The following ERBB4 variants were observed in gnomAD, a reference collection of about 807,000 sequenced individuals.
ERBB4 encodes receptor tyrosine-protein kinase erbB-4.
Under a neutral mutation model 158.0 loss-of-function variants are expected in ERBB4, and 42 were observed. That is an observed-to-expected ratio of 0.27 (90% CI 0.21 to 0.34). The LOEUF is 0.34. Among genes scored for constraint, ERBB4 ranks in the 10% least tolerant of loss-of-function variants. ERBB4 has a pLI of 1.00. For missense variants in ERBB4, 1,333 were observed against 1,624.1 expected (o/e 0.82, Z 3.08); for synonymous variants, 583 against 558.7 (o/e 1.04, Z -0.61).
At chr2:211,818,272 A>G (rs1298644590) in intron 3 of ERBB4, among the ~76,000 whole-genome samples, 2 of 152,124 alleles carry the variant, frequency 1.3e-5, no homozygotes, top group Non-Finnish European at 2.9e-5. Flanking sequence ...GCTGGACAAA[A>G]CACTTCTAGA....
intron 2 of ERBB4, among the ~76,000 whole-genome samples, chr2:211,987,616 T>C (rs888206557): frequency 6.6e-6 from 1 of 152,062 alleles, no homozygotes; most frequent in Admixed American, 6.6e-5. Context: ...GAAGGCTGGT[T>C]TCCTAATTTT....
At chr2:212,320,169 G>C (rs2087493761) in intron 1 of ERBB4, among the ~76,000 whole-genome samples, 1 of 148,146 alleles carries the variant, frequency 6.8e-6, no homozygotes, top group Non-Finnish European at 1.5e-5. Flanking sequence ...GTTCTGACTG[G>C]GTAAATCTAC....
At chr2:212,050,027 G>T (rs531686789) in intron 2 of ERBB4, among the ~76,000 whole-genome samples, 72 of 152,086 alleles carry the variant, frequency 4.7e-4, no homozygotes, top group African/African-American at 1.7e-3. Context: ...AAAGGAACAG[G>T]GACAAAGATA....
chr2:211,880,641 C>A (rs1183793709), intron 3 of ERBB4, among the ~76,000 whole-genome samples: 1 of 152,170 alleles, frequency 6.6e-6, no homozygotes, highest in South Asian at 2.1e-4. Context: ...CCCTAGGAAC[C>A]ATTAAGACAT....
At chr2:211,697,085 TATC>T (rs2073053762) in intron 12 of ERBB4, among the ~76,000 whole-genome samples, 1 of 152,144 alleles carries the variant, frequency 6.6e-6, no homozygotes, top group African/African-American at 2.4e-5. Flanking sequence ...AAACTGGAAA[TATC>T]ATTTAACTTT....
intron 3 of ERBB4, among the ~76,000 whole-genome samples, chr2:211,865,483 C>CT (rs1254039007): frequency 6.6e-6 from 1 of 151,854 alleles, no homozygotes; most frequent in Non-Finnish European, 1.5e-5. Context: ...ATAATTATAT[C>CT]TTTTATTTTT....
chr2:212,456,069 AT>A (rs1471942749), intron 1 of ERBB4, among the ~76,000 whole-genome samples: 1 of 152,104 alleles, frequency 6.6e-6, no homozygotes, highest in Non-Finnish European at 1.5e-5. Context: ...AAGCATAAAT[AT>A]TTTTATCTTA....
chr2:212,504,654 G>C (rs185402587), intron 1 of ERBB4, among the ~76,000 whole-genome samples: 1 of 152,212 alleles, frequency 6.6e-6, no homozygotes, highest in East Asian at 1.9e-4. Flanking sequence ...TACATAGTCT[G>C]AACCATAACG....
At chr2:212,474,822 C>CTTTTTT (rs539959668) in intron 1 of ERBB4, among the ~76,000 whole-genome samples, 29 of 94,412 alleles carry the variant, frequency 3.1e-4, no homozygotes, top group South Asian at 6.6e-4. Context: ...CCCGGCCATT[C>CTTTTTT]TTTTTTTTTT....
chr2:212,354,705 A>G (rs2089399173), intron 1 of ERBB4, among the ~76,000 whole-genome samples: 1 of 152,162 alleles, frequency 6.6e-6, no homozygotes, highest in Non-Finnish European at 1.5e-5. Flanking sequence ...AGTATTTCTG[A>G]GACCAACAGA....
At chr2:212,261,828 A>G (rs1486991851) in intron 1 of ERBB4, among the ~76,000 whole-genome samples, 5 of 152,176 alleles carry the variant, frequency 3.3e-5, no homozygotes, top group African/African-American at 4.8e-5. Flanking sequence ...TTTGTATTAT[A>G]AAAGAAAAGT....
intron 20 of ERBB4, among the ~76,000 whole-genome samples, chr2:211,436,237 T>A (rs1404218843): frequency 4.3e-4 from 66 of 152,352 alleles, no homozygotes; most frequent in African/African-American, 1.3e-3. Flanking sequence ...TTAATTTATA[T>A]TTTAAACTCA....
intron 1 of ERBB4, among the ~76,000 whole-genome samples, chr2:212,425,263 G>A (rs1223474113): frequency 6.7e-6 from 1 of 148,442 alleles, no homozygotes; most frequent in Non-Finnish European, 1.5e-5. Context: ...TTTAACATGT[G>A]TGATATATAA....
At chr2:212,242,954 A>G (rs1292473836) in intron 1 of ERBB4, among the ~76,000 whole-genome samples, 2 of 152,130 alleles carry the variant, frequency 1.3e-5, no homozygotes, top group Non-Finnish European at 2.9e-5. Context: ...GTCAGTTCAG[A>G]TATGTGGCAT....
At chr2:212,526,252 A>T (rs992177678) in intron 1 of ERBB4, among the ~76,000 whole-genome samples, 1 of 152,070 alleles carries the variant, frequency 6.6e-6, no homozygotes, top group Non-Finnish European at 1.5e-5. Flanking sequence ...AATTAGCTAC[A>T]TGCCATTCTA....
chr2:212,331,058 G>GTGTATATATA (rs1553619116), intron 1 of ERBB4, among the ~76,000 whole-genome samples: 2 of 56,318 alleles, frequency 3.6e-5, no homozygotes, highest in East Asian at 1.4e-3. Context: ...TTTGTAATTT[G>GTGTATATATA]TATATATATA....
chr2:211,683,588 G>A (rs1040665227), intron 12 of ERBB4, among the ~76,000 whole-genome samples: 3 of 152,070 alleles, frequency 2.0e-5, no homozygotes, highest in Non-Finnish European at 4.4e-5. Flanking sequence ...ACCCATGAAA[G>A]GATATTTGGG....
intron 1 of ERBB4, among the ~76,000 whole-genome samples, chr2:212,337,668 CT>C (rs1203793847): frequency 2.6e-5 from 4 of 152,092 alleles, no homozygotes; most frequent in African/African-American, 9.7e-5. Context: ...TCTCGCATAT[CT>C]AATGCAATCT....
chr2:212,005,816 T>G (rs2076246326), intron 2 of ERBB4, among the ~76,000 whole-genome samples: 1 of 152,216 alleles, frequency 6.6e-6, no homozygotes, highest in Non-Finnish European at 1.5e-5. Context: ...CTGGGCTCAG[T>G]GGCTCATGCC....
Sources: allele counts gnomAD v4.1 joint callset (sites outside exome capture counted in the v4.1 genomes callset), GRCh38; gene constraint gnomAD v4.1.1; transcripts MANE v1.5; gene names NCBI Gene and HGNC (gene_info 2026-07-23, HGNC 2026-07-21).